The following WDR25 variants were observed in gnomAD, a reference collection of about 807,000 sequenced individuals.
WDR25 encodes the protein WD repeat domain 25.
Under a neutral mutation model 47.7 loss-of-function variants are expected in WDR25, and 35 were observed. The ratio of observed to expected loss-of-function variants is 0.73; its 90% CI spans 0.56 to 0.97. The LOEUF (loss-of-function observed/expected upper bound fraction) is 0.97, where lower values mean the gene tolerates loss of function less well. Ranked by LOEUF, WDR25 falls within the 50% of genes least tolerant of loss-of-function variation. WDR25 has a pLI of 0.00. For missense variants in WDR25, 634 were observed against 704.7 expected (o/e 0.90, Z 1.14); for synonymous variants, 248 against 278.9 (o/e 0.89, Z 1.10).
intron 4 of WDR25, among the ~76,000 whole-genome samples, chr14:100,518,074 GT>G (rs1171350289): frequency 6.6e-6 from 1 of 152,042 alleles, no homozygotes; most frequent in East Asian, 1.9e-4. Flanking sequence ...TTTTGCTGCT[GT>G]TCCTTCATCC....
intron 2 of WDR25, among the ~76,000 whole-genome samples, chr14:100,432,904 G>T (rs1898382915): frequency 6.6e-6 from 1 of 152,216 alleles, no homozygotes; most frequent in African/African-American, 2.4e-5. Flanking sequence ...ATAACCCATT[G>T]CTCCTAGGCT....
chr14:100,427,986 T>G (rs1898217648), intron 2 of WDR25, among the ~76,000 whole-genome samples: 2 of 152,240 alleles, frequency 1.3e-5, no homozygotes, highest in South Asian at 4.1e-4. Context: ...TGCCGTGCCC[T>G]CAGGCTGAGG....
chr14:100,430,297 C>T lies in WDR25; in HGVS notation c.823-37724C>T, dbSNP rs1169902710. ...GCCAGTCAGAGTCACCTCCGGACCT[C>T]CTGCTTCCTGATCTCCTCAGCCCTT... is the stretch of plus-strand genomic sequence containing the variant. On this transcript the variant is annotated intron_variant, in intron 2 of 6. Coordinates refer to ENST00000402312, the MANE Select transcript of WDR25 (RefSeq NM_001161476.3). This position sits in a 1 kb window ranked among gnomAD's most constrained non-coding sequence, Gnocchi z 4.7. Among the ~76,000 whole-genome samples the T allele has an allele frequency of 6.6e-6, 1 of 152,032 alleles. No individual in the cohort carries two copies. Among genetic ancestry groups the T allele is most frequent in the African/African-American group, 2.4e-5 (1 of 41,380 alleles).
intron 2 of WDR25, among the ~76,000 whole-genome samples, chr14:100,464,111 C>T (rs1169400396): frequency 1.3e-5 from 2 of 152,182 alleles, no homozygotes; most frequent in African/African-American, 4.8e-5. Context: ...CCGACTTCAT[C>T]CCTTTCTTAC....
At chr14:100,385,823 TA>T (rs1897006473) in intron 2 of WDR25, among the ~76,000 whole-genome samples, 1 of 151,608 alleles carries the variant, frequency 6.6e-6, no homozygotes, top group Admixed American at 6.6e-5. Flanking sequence ...CCACTGCACG[TA>T]AAGGTAGAAA....
chr14:100,522,494 T>C (rs969621254), intron 4 of WDR25, among the ~76,000 whole-genome samples: 6 of 152,280 alleles, frequency 3.9e-5, no homozygotes, highest in African/African-American at 1.4e-4. Flanking sequence ...CTTTCCACTT[T>C]GCCTTGCATC....
At position 100,425,920 on chromosome 14, in the gene WDR25, A is replaced by G. The variant is rs1221966441; in HGVS notation, c.823-42101A>G. On this transcript the variant is annotated intron_variant, in intron 2 of 6. Transcript: ENST00000402312. The surrounding 1 kb of genome is among the most constrained non-coding windows in gnomAD (Gnocchi z 4.8). ...GGGTATTCAGTGGGGCCAGGGCGAG[A>G]CCCTGGGCCTTGCGAGGACGCCGTC... is the stretch of plus-strand genomic sequence containing the variant. Among the ~76,000 whole-genome samples, 1 of 152,070 alleles carries G rather than the reference A, an allele frequency of 6.6e-6. No individual in the cohort carries two copies. Among genetic ancestry groups the G allele is most frequent in the Non-Finnish European group, 1.5e-5 (1 of 68,022 alleles).
At chr14:100,400,443 G>C (rs1340416739) in intron 2 of WDR25, among the ~76,000 whole-genome samples, 1 of 152,178 alleles carries the variant, frequency 6.6e-6, no homozygotes, top group South Asian at 2.1e-4. Flanking sequence ...TTGGAGTTTT[G>C]CCATTCAGCC....
intron 2 of WDR25, among the ~76,000 whole-genome samples, chr14:100,453,212 A>G (rs541112678): frequency 6.6e-6 from 1 of 152,328 alleles, no homozygotes; most frequent in Non-Finnish European, 1.5e-5. Flanking sequence ...TCTGGAGTGC[A>G]GGACTAGGGC....
chr14:100,466,132 AGTCTTCTGGCTGT>A (rs1196288521), intron 2 of WDR25, among the ~76,000 whole-genome samples: 6 of 152,212 alleles, frequency 3.9e-5, no homozygotes, highest in African/African-American at 7.2e-5. Flanking sequence ...TCCACTTTGA[AGTCTTCTGGCTGT>A]GTCTTCTGGC....
rs555359884 is a variant in WDR25, at chr14:100,500,401, G to A, written c.1101+16277G>A. On this transcript the variant is annotated intron_variant, in intron 4 of 6. Transcript: ENST00000402312. This position sits in a 1 kb window ranked among gnomAD's most constrained non-coding sequence, Gnocchi z 4.7. Reference sequence around the variant, plus strand: ...AGGAGGGTGAAGTGGCTCTGGCTGTGGAGGGTGGAGAAGGAGGGGTGGGGA... The same window carrying A: ...AGGAGGGTGAAGTGGCTCTGGCTGTAGAGGGTGGAGAAGGAGGGGTGGGGA... Among the ~76,000 whole-genome samples, 1 of 152,316 alleles carries A rather than the reference G, an allele frequency of 6.6e-6. No homozygotes were observed. Among genetic ancestry groups the A allele is most frequent in the Non-Finnish European group, 1.5e-5 (1 of 68,020 alleles).
intron 2 of WDR25, among the ~76,000 whole-genome samples, chr14:100,452,238 A>C (rs1366067930): frequency 2.0e-5 from 3 of 152,124 alleles, no homozygotes; most frequent in Non-Finnish European, 4.4e-5. Context: ...GCCGTCACTC[A>C]CTCAAGAGAC....
rs1194280249 is a variant in WDR25, at chr14:100,407,220, A to G, written c.822+25474A>G. ...AGACAGTTAATTTGCATTGTGTCCT[A>G]TATTCCTGAAAAGTTGCTTTCAGAT... On this transcript the variant is annotated intron_variant, in intron 2 of 6. Transcript: ENST00000402312. The surrounding 1 kb of genome is among the most constrained non-coding windows in gnomAD (Gnocchi z 4.1). The G allele has an allele frequency of 2.6e-5, 4 of 152,234 alleles. No individual in the cohort carries two copies. The highest frequency in any genetic ancestry group is 7.2e-5 in the African/African-American group (3 of 41,452). The allele number at this position is 152,234 out of a possible 1,614,324, so 9.4% of individuals were successfully genotyped here.
intron 2 of WDR25, among the ~76,000 whole-genome samples, chr14:100,434,705 G>C (rs1898447437): frequency 6.6e-6 from 1 of 152,178 alleles, no homozygotes; most frequent in Admixed American, 6.5e-5. Flanking sequence ...GTTCTATTCA[G>C]AGAGGTGCTC....
chr14:100,492,513 C>G (rs1024551491), intron 4 of WDR25, among the ~76,000 whole-genome samples: 4 of 152,182 alleles, frequency 2.6e-5, no homozygotes, highest in Non-Finnish European at 5.9e-5. Flanking sequence ...CTTAAAAATG[C>G]AGCAGGCAGT....
At chr14:100,501,237 C>T (rs1196456018) in intron 4 of WDR25, among the ~76,000 whole-genome samples, 1 of 152,114 alleles carries the variant, frequency 6.6e-6, no homozygotes, top group Non-Finnish European at 1.5e-5. Flanking sequence ...CCAAAGTGGT[C>T]ACGAGGATTA....
intron 2 of WDR25, among the ~76,000 whole-genome samples, chr14:100,467,491 C>A (rs188740059): frequency 6.6e-6 from 1 of 152,108 alleles, no homozygotes; most frequent in Non-Finnish European, 1.5e-5. Context: ...CACAGGAATG[C>A]GTTTTCTTTT....
At position 100,502,314 on chromosome 14, in the gene WDR25, A is replaced by T. The variant is rs551952088; in HGVS notation, c.1101+18190A>T. 2.0e-5 allele frequency among the ~76,000 whole-genome samples: 3 copies of T among 152,284 alleles called. No homozygotes were observed. Among genetic ancestry groups the T allele is most frequent in the South Asian group, 4.1e-4 (2 of 4,828 alleles). On this transcript the variant is annotated intron_variant, in intron 4 of 6. Transcript: ENST00000402312. The surrounding 1 kb of genome is among the most constrained non-coding windows in gnomAD (Gnocchi z 4.5). ...TAAGGGGAAAGGCCTTAAGGCTCTCATGAGCCCCCCACATTCAGTGCCCTC... is the reference window on the plus strand; with the variant it reads ...TAAGGGGAAAGGCCTTAAGGCTCTCTTGAGCCCCCCACATTCAGTGCCCTC...
intron 1 of WDR25, among the ~76,000 whole-genome samples, chr14:100,379,390 C>CT (rs148841833): frequency 0.034 from 4,605 of 135,368 alleles, 124 homozygotes; most frequent in Non-Finnish European, 0.048. Context: ...CTTTTTTTTT[C>CT]TTTTTTTTTT....
Sources: allele counts gnomAD v4.1 joint callset (sites outside exome capture counted in the v4.1 genomes callset), GRCh38; gene constraint gnomAD v4.1.1; non-coding constraint Gnocchi (gnomAD v3.1); transcripts MANE v1.5; gene names NCBI Gene and HGNC (gene_info 2026-07-23, HGNC 2026-07-21).